Variants in ZNF536 observed in about 807,000 individuals in gnomAD.
The protein encoded by ZNF536 is zinc finger protein 536.
Under a neutral mutation model 84.5 loss-of-function variants are expected in ZNF536, and 13 were observed. The ratio of observed to expected loss-of-function variants is 0.15; its 90% CI spans 0.10 to 0.24. ZNF536 has a LOEUF of 0.24. Among genes scored for constraint, ZNF536 ranks in the 10% least tolerant of loss-of-function variants. ZNF536 has a pLI of 1.00. For missense variants in ZNF536, 1,536 were observed against 1,747.5 expected, an observed-to-expected ratio of 0.88 and a Z score of 2.16; for synonymous variants, 811 against 742.5, an observed-to-expected ratio of 1.09 and a Z score of -1.50.
At chr19:30,528,388 G>T (rs572747766) in intron 2 of ZNF536, among the ~76,000 whole-genome samples, 1 of 152,220 alleles carries the variant, frequency 6.6e-6, no homozygotes, top group East Asian at 1.9e-4. Flanking sequence ...GCCTCTTTTG[G>T]TTTCTATCTC....
intron 1 of ZNF536, among the ~76,000 whole-genome samples, chr19:30,609,309 C>T (rs1370851791): frequency 6.6e-6 from 1 of 152,180 alleles, no homozygotes; most frequent in Non-Finnish European, 1.5e-5. Context: ...GGGAAACCCA[C>T]AAAATAGCTC....
intron 2 of ZNF536, among the ~76,000 whole-genome samples, chr19:30,480,909 G>A (rs185088521): frequency 1.3e-5 from 2 of 151,796 alleles, no homozygotes; most frequent in African/African-American, 4.8e-5. Context: ...GGTGGATGCG[G>A]CTGTAATTCC....
At chr19:30,273,184 G>A (rs1023458221) in intron 1 of ZNF536, among the ~76,000 whole-genome samples, 2 of 152,024 alleles carry the variant, frequency 1.3e-5, no homozygotes, top group African/African-American at 4.8e-5. Flanking sequence ...TTACAGGCAT[G>A]AACCACTGCA....
At chr19:30,474,190 G>C (rs1012000440) in intron 2 of ZNF536, among the ~76,000 whole-genome samples, 1 of 152,216 alleles carries the variant, frequency 6.6e-6, no homozygotes, top group Non-Finnish European at 1.5e-5. Flanking sequence ...TTGACGCCAT[G>C]TGGTTGGGAA....
chr19:30,350,192 C>T (rs2047889372), intron 2 of ZNF536, among the ~76,000 whole-genome samples: 1 of 152,150 alleles, frequency 6.6e-6, no homozygotes, highest in African/African-American at 2.4e-5. Flanking sequence ...GTCTAATGAA[C>T]ATATTTGCAT....
At chr19:30,400,262 T>C (rs2049994015) in intron 1 of ZNF536, among the ~76,000 whole-genome samples, 1 of 152,166 alleles carries the variant, frequency 6.6e-6, no homozygotes, top group Non-Finnish European at 1.5e-5. Context: ...TGTTAGATCG[T>C]ATGGTAAGGG....
chr19:30,548,093 T>G lies in ZNF536; in HGVS notation c.2474T>G (p.Met825Arg). Residue 825 changes from methionine to arginine, a missense_variant, in exon 4 of 5, where the codon ATG (methionine) becomes AGG (arginine). Transcript: ENST00000355537. The part of the protein sequence containing the change: ...QPPNQDHKDE[M>R]SSKASLFIRP... The stretch of plus-strand genomic sequence containing the variant: ...CCAAATCAAGACCACAAGGATGAGA[T>G]GTCAAGCAAAGCTTCTCTGTTCATC... 2.5e-6 allele frequency: 4 copies of G among 1,614,148 alleles called. No individual in the cohort carries two copies. The highest frequency in any genetic ancestry group is 3.4e-6 in the Non-Finnish European group (4 of 1,180,024).
chr19:30,563,511 C>G (rs8100012), intron 1 of ZNF536, among the ~76,000 whole-genome samples: 150,746 of 152,338 alleles, frequency 0.99, 74,689 homozygotes, highest in Middle Eastern at 1. Context: ...TTGGGCTCTA[C>G]AACTGTCCTT....
chr19:30,258,310 T>C (rs1458631862), intron 1 of ZNF536, among the ~76,000 whole-genome samples: 2 of 152,210 alleles, frequency 1.3e-5, no homozygotes, highest in Non-Finnish European at 2.9e-5. Context: ...CCCATCCTCT[T>C]GTTAAACGTG....
At chr19:30,573,059 G>A (rs1232362974) in intron 1 of ZNF536, among the ~76,000 whole-genome samples, 1 of 152,154 alleles carries the variant, frequency 6.6e-6, no homozygotes, top group East Asian at 1.9e-4. Flanking sequence ...CTAAGGAGAG[G>A]GTACAGGAAA....
intron 1 of ZNF536, among the ~76,000 whole-genome samples, chr19:30,255,704 C>T (rs1351444230): frequency 4.6e-5 from 7 of 152,172 alleles, no homozygotes; most frequent in Admixed American, 2.6e-4. Flanking sequence ...CTGGAACTGT[C>T]GGGTCAGGCT....
At chr19:30,694,420 C>T (rs1308627470) in intron 1 of ZNF536, among the ~76,000 whole-genome samples, 1 of 152,168 alleles carries the variant, frequency 6.6e-6, no homozygotes, top group Non-Finnish European at 1.5e-5. Context: ...GCCCCAACCT[C>T]AAAGAAAGTG....
intron 1 of ZNF536, among the ~76,000 whole-genome samples, chr19:30,634,691 G>A (rs376344203): frequency 4.8e-4 from 73 of 152,140 alleles, no homozygotes; most frequent in South Asian, 3.1e-3. Flanking sequence ...TTGCATCCAC[G>A]CGTGTGAATG....
At chr19:30,318,673 G>A (rs1009159892) in intron 2 of ZNF536, among the ~76,000 whole-genome samples, 2 of 152,268 alleles carry the variant, frequency 1.3e-5, no homozygotes, top group African/African-American at 2.4e-5. Context: ...ATACACGTGT[G>A]TTTGCATGTG....
chr19:30,335,477 C>T (rs1294997456), intron 2 of ZNF536, among the ~76,000 whole-genome samples: 1 of 152,140 alleles, frequency 6.6e-6, no homozygotes. Context: ...GCCTGGCACG[C>T]CCACCCCTCT....
chr19:30,405,040 A>C (rs1253581115), intron 1 of ZNF536, among the ~76,000 whole-genome samples: 1 of 152,194 alleles, frequency 6.6e-6, no homozygotes, highest in Non-Finnish European at 1.5e-5. Context: ...GCGTAGGGGA[A>C]TGTATGGGGC....
At chr19:30,694,174 C>T (rs557576558) in intron 1 of ZNF536, among the ~76,000 whole-genome samples, 42 of 152,304 alleles carry the variant, frequency 2.8e-4, no homozygotes, top group African/African-American at 9.6e-4. Flanking sequence ...ATACAGAGCA[C>T]AGCACACCCT....
At chr19:30,343,240 A>G (rs185311926) in intron 2 of ZNF536, among the ~76,000 whole-genome samples, 22 of 152,312 alleles carry the variant, frequency 1.4e-4, no homozygotes, top group Admixed American at 1.4e-3. Flanking sequence ...AGCAGATTAT[A>G]AACAGTGTCG....
chr19:30,374,864 C>G (rs1292425117), intron 1 of ZNF536, among the ~76,000 whole-genome samples: 1 of 151,394 alleles, frequency 6.6e-6, no homozygotes, highest in Non-Finnish European at 1.5e-5. Flanking sequence ...GACTGGCCCC[C>G]CGCCCGGGCT....
Sources: allele counts gnomAD v4.1 joint callset (sites outside exome capture counted in the v4.1 genomes callset), GRCh38; gene constraint gnomAD v4.1.1; transcripts MANE v1.5; gene names NCBI Gene and HGNC (gene_info 2026-07-23, HGNC 2026-07-21).